The following CSNK1D variants were observed in gnomAD, a reference collection of about 807,000 sequenced individuals.
The protein encoded by CSNK1D is casein kinase I isoform delta.
A neutral mutation model predicts 46.6 loss-of-function variants in CSNK1D; 16 were observed. The observed-to-expected ratio is 0.34, with a 90% CI of 0.23 to 0.52. The LOEUF (loss-of-function observed/expected upper bound fraction) is 0.52, where lower values mean the gene tolerates loss of function less well. Among genes scored for constraint, CSNK1D ranks in the 20% least tolerant of loss-of-function variants. The probability of loss-of-function intolerance (pLI) is 0.95; values close to 1 mark genes in which losing one functional copy is unlikely to be tolerated. For synonymous variants in CSNK1D, 276 were observed against 228.2 expected, an observed-to-expected ratio of 1.21 and a Z score of -1.89; for missense variants, 398 against 578.4, an observed-to-expected ratio of 0.69 and a Z score of 3.20.
intron 2 of CSNK1D, among the ~76,000 whole-genome samples, chr17:82,261,665 C>T (rs2051343547): frequency 6.6e-6 from 1 of 152,188 alleles, no homozygotes; most frequent in South Asian, 2.1e-4. Context: ...AAGGTCCTGG[C>T]ACAGACATGG....
In CSNK1D at chr17:82,244,766, C is replaced by A; in HGVS notation, c.*15G>T. 1.2e-6 allele frequency: 2 copies of A among 1,613,982 alleles called. No individual in the cohort carries two copies. The highest frequency in any genetic ancestry group is 8.5e-7 in the Non-Finnish European group (1 of 1,180,032). On this transcript the variant is annotated 3_prime_UTR_variant, in exon 9 of 9. Coordinates refer to ENST00000314028, the MANE Select transcript of CSNK1D (RefSeq NM_001893.6). ...GCCATGCATTGTCTGCCCTTCACAG[C>A]AATAAGGAGAGTTCTCATCGGTGCA... is the stretch of plus-strand genomic sequence containing the variant.
At chr17:82,239,874 G>A (rs1037176322), downstream of CSNK1D, 39 of 631,420 alleles carry the variant, frequency 6.2e-5, no homozygotes, top group Middle Eastern at 8.5e-4. Flanking sequence ...CATCCAGCCC[G>A]GCCCAGCGCT....
intron 2 of CSNK1D, among the ~76,000 whole-genome samples, chr17:82,263,479 A>G (rs2051390937): frequency 6.6e-6 from 1 of 152,196 alleles, no homozygotes; most frequent in Non-Finnish European, 1.5e-5. Context: ...TGTCTGAAGA[A>G]AGTTTTGAGT....
intron 1 of CSNK1D, among the ~76,000 whole-genome samples, chr17:82,268,090 C>T (rs1196109144): frequency 2.0e-5 from 3 of 152,222 alleles, no homozygotes; most frequent in African/African-American, 4.8e-5. Context: ...CCTGTGGAAC[C>T]GACACCAAGG....
chr17:82,241,648 C>T (rs1033907110), downstream of CSNK1D, among the ~76,000 whole-genome samples: 1 of 152,184 alleles, frequency 6.6e-6, no homozygotes, highest in African/African-American at 2.4e-5. Context: ...GCCTCACCCA[C>T]GGCCACAGTG....
chr17:82,250,100 AGCAGCCG>A lies in CSNK1D; in HGVS notation c.886-505_886-499del. The A allele has an allele frequency of 1.2e-5, 15 of 1,290,412 alleles. No homozygotes were observed. The highest frequency in any genetic ancestry group is 1.4e-5 in the Non-Finnish European group (14 of 989,476). The allele number at this position is 1,290,412 out of a possible 1,614,324, so 79.9% of individuals were successfully genotyped here. On this transcript the variant is annotated intron_variant, in intron 6 of 8. Transcript: ENST00000314028. This position sits in a 1 kb window ranked among gnomAD's most constrained non-coding sequence, Gnocchi z 4.6. ...CCTGTGCAGGTGTGGTGGCGTGGCC[AGCAGCCG>A]GCAGCCGGATCTGTGCTGCACTATC...
chr17:82,271,317 A>G lies in CSNK1D; in HGVS notation c.76+1989T>C, dbSNP rs113281264. Among the ~76,000 whole-genome samples the G allele has an allele frequency of 4.9e-3, 743 of 152,172 alleles. 3 individuals carry two copies. The highest frequency in any genetic ancestry group is 0.028 in the South Asian group (136 of 4,822). On this transcript the variant is annotated intron_variant, in intron 1 of 8. Coordinates refer to ENST00000314028, the MANE Select transcript of CSNK1D (RefSeq NM_001893.6). ...TCTCCTGACCTCAAGCGACCCGCCCACCTCAGCTTCCCAAAGTGCTGGGAT... is the reference window on the plus strand; with the variant it reads ...TCTCCTGACCTCAAGCGACCCGCCCGCCTCAGCTTCCCAAAGTGCTGGGAT...
At chr17:82,254,198 T>A (rs34604166) in intron 3 of CSNK1D, 4 of 122,076 alleles carry the variant, frequency 3.3e-5, no homozygotes, top group East Asian at 4.8e-4. Flanking sequence ...GCCGGAGCCT[T>A]GTGAAGCCAG....
intron 8 of CSNK1D, chr17:82,246,487 C>A: frequency 9.1e-7 from 1 of 1,094,432 alleles, no homozygotes; most frequent in African/African-American, 1.6e-5. Context: ...ACAAGGCCTT[C>A]TTCTCACCAA....
chr17:82,264,424 G>A (rs1377546460), intron 2 of CSNK1D, among the ~76,000 whole-genome samples: 1 of 152,196 alleles, frequency 6.6e-6, no homozygotes, highest in Non-Finnish European at 1.5e-5. Context: ...TGAAAGTCCA[G>A]GGAACTCGCA....
downstream of CSNK1D, chr17:82,242,541 CCA>C: frequency 1.3e-6 from 1 of 758,980 alleles, no homozygotes; most frequent in Non-Finnish European, 1.6e-6. Flanking sequence ...CTGCCAGCTC[CCA>C]GACACCCACA....
rs952433032 is a variant in CSNK1D, at chr17:82,249,068, C to G, written c.1058-54G>C. The G allele has an allele frequency of 2.6e-6, 4 of 1,537,886 alleles. No individual in the cohort carries two copies. Among genetic ancestry groups the G allele is most frequent in the Non-Finnish European group, 2.6e-6 (3 of 1,139,432 alleles). The stretch of plus-strand genomic sequence containing the variant: ...CCGCCCCCGTCTGCTGCCTCTCACT[C>G]GGGGCTTTCTATGAGAGGCTGTGGC... On this transcript the variant is annotated intron_variant, in intron 7 of 8. Coordinates refer to ENST00000314028, the MANE Select transcript of CSNK1D (RefSeq NM_001893.6). The surrounding 1 kb of genome is among the most constrained non-coding windows in gnomAD (Gnocchi z 6.7).
chr17:82,271,630 T>C (rs2051626871), intron 1 of CSNK1D, among the ~76,000 whole-genome samples: 1 of 152,180 alleles, frequency 6.6e-6, no homozygotes. Context: ...ATGTACAGGT[T>C]CAAAAGCAAC....
At chr17:82,247,764 A>G in intron 8 of CSNK1D, 1 of 985,422 alleles carries the variant, frequency 1.0e-6, no homozygotes, top group South Asian at 4.7e-5. Flanking sequence ...AGACCCCTCG[A>G]GCCCAATTCA....
intron 1 of CSNK1D, among the ~76,000 whole-genome samples, chr17:82,268,026 C>T (rs1305336444): frequency 6.6e-6 from 1 of 152,230 alleles, no homozygotes; most frequent in East Asian, 1.9e-4. Flanking sequence ...ATCATGGGGC[C>T]GGGACCTCTC....
At position 82,255,098 on chromosome 17, in the gene CSNK1D, G is replaced by C. The variant is rs1362075088; in HGVS notation, c.336+331C>G. Reference sequence around the variant, plus strand: ...CGAGAAGCCAGTGAGCTGGGCCGCCGGAGCCTCGAGAAGCCAGTGAGCTGA... The same window carrying C: ...CGAGAAGCCAGTGAGCTGGGCCGCCCGAGCCTCGAGAAGCCAGTGAGCTGA... On this transcript the variant is annotated intron_variant, in intron 3 of 8. Coordinates refer to ENST00000314028, the MANE Select transcript of CSNK1D (RefSeq NM_001893.6). This position sits in a 1 kb window ranked among gnomAD's most constrained non-coding sequence, Gnocchi z 5.9. The C allele has an allele frequency of 3.0e-4, 118 of 388,388 alleles. 1 individual carries two copies. Among genetic ancestry groups the C allele is most frequent in the Non-Finnish European group, 3.4e-5 (7 of 206,938 alleles). 24.1% of individuals were successfully genotyped at this position (388,388 alleles called of 1,614,324 possible). A position where few individuals can be genotyped will look rare whatever the true frequency, so the allele number is the denominator to read the frequency against.
Position 82,251,344 on chromosome 17 carries a change from CCA to C in CSNK1D, c.885+33_885+34del. ...TCACTGACAAGCCATCCCCCGCACA[CCA>C]CACTCAGCGAACGTGCTGGCAGTGC... On this transcript the variant is annotated intron_variant, in intron 6 of 8. Transcript: ENST00000314028. The surrounding 1 kb of genome is among the most constrained non-coding windows in gnomAD (Gnocchi z 4.5). 6.2e-7 allele frequency: 1 copy of C among 1,613,592 alleles called. No homozygotes were observed. The highest frequency in any genetic ancestry group is 8.5e-7 in the Non-Finnish European group (1 of 1,179,654).
Position 82,252,997 on chromosome 17 carries a change from C to T in CSNK1D, c.565+19G>A, listed in dbSNP as rs1403126482. ...CCCAAAGGCACCCCAGGTCAGTGAC[C>T]CCATGCCCAGGGGCTCACCAATTCC... On this transcript the variant is annotated intron_variant, in intron 4 of 8. Transcript: ENST00000314028. The surrounding 1 kb of genome is among the most constrained non-coding windows in gnomAD (Gnocchi z 4.6). The T allele has an allele frequency of 1.2e-6, 2 of 1,608,170 alleles. No individual in the cohort carries two copies. Among genetic ancestry groups the T allele is most frequent in the Non-Finnish European group, 1.7e-6 (2 of 1,174,940 alleles).
rs928927426 is a variant in CSNK1D, at chr17:82,243,193, G to C, written c.*1588C>G. The C allele has an allele frequency of 5.0e-5, 49 of 985,532 alleles. No individual in the cohort carries two copies. Among genetic ancestry groups the C allele is most frequent in the Non-Finnish European group, 5.8e-5 (48 of 830,098 alleles). 61.0% of individuals were successfully genotyped at this position (985,532 alleles called of 1,614,324 possible). A position where few individuals can be genotyped will look rare whatever the true frequency, so the allele number is the denominator to read the frequency against. ...CAGGCAGACGGCCAGCCAGCTGGTG[G>C]GGGGGTGAACAACTGTGTTCTGGGA... On this transcript the variant is annotated 3_prime_UTR_variant, in exon 9 of 9. Transcript: ENST00000314028.
Sources: allele counts gnomAD v4.1 joint callset (sites outside exome capture counted in the v4.1 genomes callset), GRCh38; gene constraint gnomAD v4.1.1; non-coding constraint Gnocchi (gnomAD v3.1); transcripts MANE v1.5; gene names NCBI Gene and HGNC (gene_info 2026-07-23, HGNC 2026-07-21).